Variants in NRP1 observed in about 807,000 individuals in gnomAD.
The protein encoded by NRP1 is neuropilin-1.
In NRP1, 35 loss-of-function variants were observed where a neutral mutation model predicts 106.7. The ratio of observed to expected loss-of-function variants is 0.33; its 90% CI spans 0.25 to 0.43. The LOEUF is 0.43. NRP1 is among the 20% of genes least tolerant of loss of function. The pLI is 1.00. For synonymous variants in NRP1, 437 were observed against 417.9 expected (o/e 1.05, Z -0.56); for missense variants, 1,024 against 1,170.4 (o/e 0.87, Z 1.83).
chr10:33,179,908 C>T lies in NRP1; in HGVS notation c.*168G>A. On this transcript the variant is annotated 3_prime_UTR_variant, in exon 17 of 17. Transcript: ENST00000374867. ...CACATGAGTCCGATGGTGAACACAG[C>T]TCCTTGTCCATGTCTGTCGGCCATA... The T allele has an allele frequency of 1.4e-6, 1 of 696,770 alleles. No homozygotes were observed. The highest frequency in any genetic ancestry group is 2.5e-6 in the Non-Finnish European group (1 of 401,432). 43.2% of individuals were successfully genotyped at this position (696,770 alleles called of 1,614,324 possible). A position where few individuals can be genotyped will look rare whatever the true frequency, so the allele number is the denominator to read the frequency against.
rs981163985 is a variant in NRP1, at chr10:33,256,353, T to C, written c.777A>G (p.Ser259=). The C allele has an allele frequency of 1.2e-5, 20 of 1,614,082 alleles. No homozygotes were observed. The highest frequency in any genetic ancestry group is 1.6e-5 in the Non-Finnish European group (19 of 1,180,030). The change falls in exon 5 of 17, where the codon TCA becomes TCG. Residue 259 remains serine (S), a synonymous_variant. Coordinates refer to ENST00000374867, the MANE Select transcript of NRP1 (RefSeq NM_003873.7). ...TDSAIAKEGF[S]ANYSVLQSSV... ...TGCTCTGCAAGACACTGTAGTTTGC[T>C]GAGAAACCTTCTTTTGCTATCGCGC...
At chr10:33,189,519 G>T (rs1191400612) in intron 13 of NRP1, among the ~76,000 whole-genome samples, 1 of 152,198 alleles carries the variant, frequency 6.6e-6, no homozygotes, top group African/African-American at 2.4e-5. Flanking sequence ...CAAGCGTAGG[G>T]ACCTCTTCCT....
intron 2 of NRP1, chr10:33,288,539 A>G (rs1844752286): frequency 6.6e-6 from 1 of 152,322 alleles, no homozygotes; most frequent in Non-Finnish European, 1.5e-5. Context: ...GCCTAGGCTC[A>G]AGTGATCCTC....
intron 8 of NRP1, among the ~76,000 whole-genome samples, chr10:33,220,922 A>AAC (rs1554783052): frequency 1.3e-5 from 2 of 149,590 alleles, no homozygotes; most frequent in Non-Finnish European, 3.0e-5. Flanking sequence ...AAAAAAAAAA[A>AAC]AGAAAAACAA....
At chr10:33,286,318 A>G (rs994803371) in intron 2 of NRP1, among the ~76,000 whole-genome samples, 3 of 152,166 alleles carry the variant, frequency 2.0e-5, no homozygotes, top group Non-Finnish European at 2.9e-5. Flanking sequence ...AACGTGTGGG[A>G]AGCCTGTGTC....
chr10:33,223,908 G>A (rs1839452222), intron 7 of NRP1, among the ~76,000 whole-genome samples: 1 of 152,158 alleles, frequency 6.6e-6, no homozygotes, highest in Non-Finnish European at 1.5e-5. Context: ...CCTGGTGCAG[G>A]CAGAGGGGAG....
chr10:33,195,538 T>C (rs879926501), intron 12 of NRP1: 2 of 533,350 alleles, frequency 3.7e-6, no homozygotes, highest in Non-Finnish European at 7.7e-6. Context: ...TGAGGTCTCA[T>C]TGACTGCTGC....
chr10:33,180,138 CA>C lies in NRP1; in HGVS notation c.2709del (p.Val904TrpfsTer4). 6.2e-7 allele frequency: 1 copy of C among 1,614,214 alleles called. No homozygotes were observed. Among genetic ancestry groups the C allele is most frequent in the Non-Finnish European group, 8.5e-7 (1 of 1,180,038 alleles). ...LSALENYNFE[L>X]VDGVKLKKDK... The stretch of plus-strand genomic sequence containing the variant: ...TCTTTTTTCAACTTCACACCATCCA[CA>C]AGTTCAAAGTTATAGTTCTCCAGGG... On this transcript the variant is annotated frameshift_variant, in exon 17 of 17. Coordinates refer to ENST00000374867, the MANE Select transcript of NRP1 (RefSeq NM_003873.7). LOFTEE classifies it high-confidence loss of function.
chr10:33,186,798 A>C (rs1684527366), intron 13 of NRP1, among the ~76,000 whole-genome samples: 1 of 152,208 alleles, frequency 6.6e-6, no homozygotes, highest in South Asian at 2.1e-4. Context: ...CATCACAAGC[A>C]AACTGAAAGC....
intron 13 of NRP1, among the ~76,000 whole-genome samples, chr10:33,191,230 A>AT (rs1413628547): frequency 6.6e-6 from 1 of 152,116 alleles, no homozygotes; most frequent in African/African-American, 2.4e-5. Flanking sequence ...GGGGCAGATA[A>AT]TAGAGTTCAC....
At chr10:33,318,319 T>C (rs1221640178) in intron 2 of NRP1, among the ~76,000 whole-genome samples, 1 of 152,122 alleles carries the variant, frequency 6.6e-6, no homozygotes, top group Non-Finnish European at 1.5e-5. Context: ...ATATGACCCA[T>C]CTCCTGTCTC....
chr10:33,276,064 G>C (rs543609888), intron 2 of NRP1, among the ~76,000 whole-genome samples: 3 of 152,070 alleles, frequency 2.0e-5, no homozygotes, highest in Admixed American at 1.3e-4. Flanking sequence ...AAATCTAGAC[G>C]GAACTAACTA....
chr10:33,197,563 CT>C, intron 12 of NRP1, 86 bp downstream of exon 12: 1 of 1,045,768 alleles, frequency 9.6e-7, no homozygotes, highest in Non-Finnish European at 1.4e-6. Flanking sequence ...CCTTCTAGGA[CT>C]TTCAGAGAAA....
intron 4 of NRP1, among the ~76,000 whole-genome samples, chr10:33,262,237 G>A (rs1406724551): frequency 1.3e-5 from 2 of 152,116 alleles, no homozygotes; most frequent in South Asian, 2.1e-4. Context: ...AAGCAATGCA[G>A]CTGTTAACAA....
At chr10:33,315,740 G>A (rs538124560) in intron 2 of NRP1, among the ~76,000 whole-genome samples, 1 of 152,308 alleles carries the variant, frequency 6.6e-6, no homozygotes, top group Non-Finnish European at 1.5e-5. Context: ...GCATTTACTT[G>A]GTGGCTGGTT....
intron 2 of NRP1, among the ~76,000 whole-genome samples, chr10:33,313,359 G>T (rs1033432945): frequency 6.6e-6 from 1 of 151,994 alleles, no homozygotes; most frequent in Admixed American, 6.6e-5. Context: ...AAGTAGGGAG[G>T]GTCTTGCAAA....
At chr10:33,316,345 G>A (rs896144099) in intron 2 of NRP1, among the ~76,000 whole-genome samples, 20 of 152,276 alleles carry the variant, frequency 1.3e-4, no homozygotes, top group African/African-American at 4.6e-4. Context: ...TGGGTAAGTA[G>A]GAAATGAAGG....
chr10:33,232,524 C>T (rs1174805867), intron 6 of NRP1, among the ~76,000 whole-genome samples: 2 of 151,892 alleles, frequency 1.3e-5, no homozygotes, highest in African/African-American at 4.8e-5. Flanking sequence ...GAACATTTCC[C>T]TCTGTGTGTG....
intron 12 of NRP1, among the ~76,000 whole-genome samples, chr10:33,196,504 G>T (rs922062510): frequency 1.3e-5 from 2 of 152,102 alleles, no homozygotes; most frequent in Admixed American, 1.3e-4. Flanking sequence ...AGGTGCCTGC[G>T]CAGTCTTTGA....
Sources: gnomAD v4.1 joint callset for allele counts (sites outside exome capture counted in the v4.1 genomes callset) on GRCh38, gnomAD v4.1.1 for gene constraint, MANE v1.5 for transcripts, NCBI Gene and HGNC (gene_info 2026-07-23, HGNC 2026-07-21) for gene names.